The following STAM variants were observed in gnomAD, a reference collection of about 807,000 sequenced individuals.
The protein encoded by STAM is signal transducing adaptor molecule.
STAM carries 16 observed loss-of-function variants against 63.4 expected under a neutral mutation model. The ratio of observed to expected loss-of-function variants is 0.25; its 90% CI spans 0.17 to 0.38. The LOEUF (loss-of-function observed/expected upper bound fraction) is 0.38. STAM is among the 10% of genes least tolerant of loss of function. STAM has a pLI of 1.00. For missense variants in STAM, 636 were observed against 657.1 expected, an observed-to-expected ratio of 0.97 and a Z score of 0.35; for synonymous variants, 238 against 223.9, an observed-to-expected ratio of 1.06 and a Z score of -0.56.
intron 1 of STAM, among the ~76,000 whole-genome samples, chr10:17,646,604 A>G (rs1332473608): frequency 6.6e-6 from 1 of 152,198 alleles, no homozygotes; most frequent in African/African-American, 2.4e-5. Context: ...GTGTAGCAAC[A>G]TTGTTTTGCT....
At chr10:17,709,863 C>T (rs940264661) in intron 13 of STAM, among the ~76,000 whole-genome samples, 5 of 149,068 alleles carry the variant, frequency 3.4e-5, no homozygotes, top group Non-Finnish European at 7.4e-5. Flanking sequence ...CCGAAGTGAC[C>T]TTAAGGGGGA....
At chr10:17,679,606 T>C (rs1340936487) in intron 2 of STAM, among the ~76,000 whole-genome samples, 1 of 151,924 alleles carries the variant, frequency 6.6e-6, no homozygotes, top group Non-Finnish European at 1.5e-5. Context: ...GAAGTGTTGA[T>C]GTTAATTTTT....
chr10:17,649,359 C>T (rs527743145), intron 1 of STAM, among the ~76,000 whole-genome samples: 196 of 149,832 alleles, frequency 1.3e-3, no homozygotes, highest in African/African-American at 4.3e-3. Context: ...TATGACTGCA[C>T]TCTTGCCTGG....
At chr10:17,686,683 C>T (rs1353256666) in intron 4 of STAM, among the ~76,000 whole-genome samples, 1 of 152,146 alleles carries the variant, frequency 6.6e-6, no homozygotes, top group East Asian at 1.9e-4. Flanking sequence ...AGCCAACATC[C>T]TGCCCTTTTA....
chr10:17,648,572 C>CT (rs1279502842), intron 1 of STAM, among the ~76,000 whole-genome samples: 1 of 152,192 alleles, frequency 6.6e-6, no homozygotes, highest in Non-Finnish European at 1.5e-5. Flanking sequence ...TCCGTGGCTT[C>CT]ATTCTTGACG....
chr10:17,655,338 C>T (rs1279995596), intron 1 of STAM, among the ~76,000 whole-genome samples: 1 of 152,084 alleles, frequency 6.6e-6, no homozygotes, highest in Non-Finnish European at 1.5e-5. Flanking sequence ...TGTATTAATT[C>T]TTATGCAAGG....
rs7916468 is a variant in STAM, at chr10:17,664,387, A to C, written c.125+3839A>C. Reference sequence around the variant, plus strand: ...TCTCCAGAACTTATCCATCATCCCAAACTGAAACCCTGTGCCCATTAAACA... The same window carrying C: ...TCTCCAGAACTTATCCATCATCCCACACTGAAACCCTGTGCCCATTAAACA... On this transcript the variant is annotated intron_variant, in intron 2 of 13. Transcript: ENST00000377524. Among the ~76,000 whole-genome samples, 1,163 of 152,176 alleles carry C rather than the reference A, an allele frequency of 7.6e-3. 12 individuals carry two copies. The highest frequency in any genetic ancestry group is 0.026 in the African/African-American group (1,075 of 41,544).
At chr10:17,646,085 G>C (rs1402168733) in intron 1 of STAM, among the ~76,000 whole-genome samples, 3 of 152,132 alleles carry the variant, frequency 2.0e-5, no homozygotes, top group African/African-American at 7.2e-5. Flanking sequence ...TTTGTCCTAC[G>C]CTTATGCTTT....
chr10:17,707,581 G>A (rs1413390413), intron 12 of STAM, among the ~76,000 whole-genome samples: 1 of 152,138 alleles, frequency 6.6e-6, no homozygotes, highest in African/African-American at 2.4e-5. Context: ...GAGGGCACCT[G>A]CTTTAGAGTC....
In STAM at chr10:17,668,616, ATTCCTTTCC is replaced by A. The variant is rs1554823705; in HGVS notation, c.125+8074_125+8082del. Among the ~76,000 whole-genome samples the A allele has an allele frequency of 2.0e-5, 3 of 151,896 alleles. No individual in the cohort carries two copies. In the South Asian group the frequency reaches 6.3e-4, roughly 32 times the overall value. ...AAAATGACCTGTGCTCCATCTGTTC[ATTCCTTTCC>A]TTCCTCTCTTTGCACTTTAAACAGC... On this transcript the variant is annotated intron_variant, in intron 2 of 13. Transcript: ENST00000377524.
intron 13 of STAM, among the ~76,000 whole-genome samples, chr10:17,709,743 C>T (rs1589117156): frequency 6.6e-6 from 1 of 151,708 alleles, no homozygotes; most frequent in East Asian, 2.0e-4. Context: ...GTTAGGATTG[C>T]CCAGGAATGC....
At chr10:17,682,777 A>G (rs1835139601) in intron 2 of STAM, among the ~76,000 whole-genome samples, 1 of 152,188 alleles carries the variant, frequency 6.6e-6, no homozygotes, top group Non-Finnish European at 1.5e-5. Flanking sequence ...TGATAGTGTC[A>G]TTCAGGTATT....
At chr10:17,713,815 T>C (rs1836672821) in intron 13 of STAM, among the ~76,000 whole-genome samples, 1 of 152,072 alleles carries the variant, frequency 6.6e-6, no homozygotes, top group Non-Finnish European at 1.5e-5. Flanking sequence ...CTTATCACGC[T>C]TCTGCTCAGA....
intron 1 of STAM, among the ~76,000 whole-genome samples, chr10:17,658,932 G>A (rs1295989503): frequency 6.6e-6 from 1 of 152,108 alleles, no homozygotes; most frequent in Non-Finnish European, 1.5e-5. Context: ...GACATGTAAA[G>A]TGACTGTTAA....
At chr10:17,682,370 G>C (rs189072562) in intron 2 of STAM, among the ~76,000 whole-genome samples, 59 of 152,286 alleles carry the variant, frequency 3.9e-4, no homozygotes, top group African/African-American at 1.3e-3. Flanking sequence ...CCATTCATCT[G>C]TTGATGGGCA....
chr10:17,648,426 G>C (rs4589180), intron 1 of STAM, among the ~76,000 whole-genome samples: 1 of 152,196 alleles, frequency 6.6e-6, no homozygotes, highest in Admixed American at 6.5e-5. Context: ...GGGCACCCTA[G>C]CCAGCAGCAG....
intron 2 of STAM, among the ~76,000 whole-genome samples, chr10:17,674,375 G>T (rs1834762274): frequency 6.6e-6 from 1 of 152,134 alleles, no homozygotes; most frequent in African/African-American, 2.4e-5. Context: ...CTTGCGTGGG[G>T]TCTGTCATGA....
chr10:17,668,679 A>G (rs1439975124), intron 2 of STAM, among the ~76,000 whole-genome samples: 3 of 152,164 alleles, frequency 2.0e-5, no homozygotes, highest in African/African-American at 7.2e-5. Context: ...TTACAAGTTT[A>G]TCTTTTCCAA....
At chr10:17,671,055 C>T (rs1034626275) in intron 2 of STAM, among the ~76,000 whole-genome samples, 6 of 152,144 alleles carry the variant, frequency 3.9e-5, no homozygotes, top group African/African-American at 1.4e-4. Context: ...ATTCAAGGAG[C>T]ATTCATATTA....
Sources: gnomAD v4.1 joint callset for allele counts (sites outside exome capture counted in the v4.1 genomes callset) on GRCh38, gnomAD v4.1.1 for gene constraint, MANE v1.5 for transcripts, NCBI Gene and HGNC (gene_info 2026-07-23, HGNC 2026-07-21) for gene names.